The following NCKAP5 variants were observed in gnomAD, a reference collection of about 807,000 sequenced individuals.
NCKAP5 encodes NCK associated protein 5.
In NCKAP5, 92 loss-of-function variants were observed where a neutral mutation model predicts 167.0. The observed-to-expected ratio is 0.55, with a 90% CI of 0.47 to 0.66. NCKAP5 has a LOEUF of 0.66. Ranked by LOEUF, NCKAP5 falls within the 30% of genes least tolerant of loss-of-function variation. The pLI is 0.00. For missense variants in NCKAP5, 2,378 were observed against 2,315.0 expected (o/e 1.03, Z -0.56); for synonymous variants, 891 against 877.4 (o/e 1.02, Z -0.27).
Position 132,968,213 on chromosome 2 carries a change from G to A in NCKAP5, c.430-4344C>T, listed in dbSNP as rs115776440. Among the ~76,000 whole-genome samples, 1,371 of 152,332 alleles carry A rather than the reference G, an allele frequency of 9.0e-3. 16 individuals carry two copies. Among genetic ancestry groups the A allele is most frequent in the African/African-American group, 0.03 (1,258 of 41,570 alleles). On this transcript the variant is annotated intron_variant, in intron 7 of 19. Transcript: ENST00000409261. ...GAGGAACTGAAGTCTAGACGTAGGG[G>A]AGTGGTAGGTTCTGATTTACATTTT...
rs144856209 is a variant in NCKAP5, at chr2:132,999,249, T to C, written c.342-5010A>G. 8.7e-4 allele frequency among the ~76,000 whole-genome samples: 132 copies of C among 152,342 alleles called. 1 individual carries two copies. Among genetic ancestry groups the C allele is most frequent in the African/African-American group, 3.1e-3 (130 of 41,584 alleles). ...TAAATTCTTATTACACTGTTTCCTC[T>C]GGGAGAAGCAAAAACCTTGCTTAAG... On this transcript the variant is annotated intron_variant, in intron 6 of 19. Transcript: ENST00000409261.
chr2:133,562,251 A>C (rs1403788744), intron 1 of NCKAP5, among the ~76,000 whole-genome samples: 1 of 152,144 alleles, frequency 6.6e-6, no homozygotes, highest in Non-Finnish European at 1.5e-5. Context: ...AGAGAAACAC[A>C]TACTCAATGT....
intron 5 of NCKAP5, among the ~76,000 whole-genome samples, chr2:133,163,496 A>G (rs999390011): frequency 6.6e-6 from 1 of 152,242 alleles, no homozygotes; most frequent in Non-Finnish European, 1.5e-5. Context: ...ACATCTACTT[A>G]GTACTGACTG....
rs555690484 is a variant in NCKAP5 at position 133,324,376 on chromosome 2, A to T, written c.70-21266T>A. Among the ~76,000 whole-genome samples, 9 of 152,330 alleles carry T rather than the reference A, an allele frequency of 5.9e-5. No homozygotes were observed. The South Asian group carries it at 1.9e-3, about 32-fold the overall frequency. Reference sequence around the variant, plus strand: ...TAAAAATATTTACTTGGAATTACATAAAAAATATTTTAAATGATTTTTGTT... The same window carrying T: ...TAAAAATATTTACTTGGAATTACATTAAAAATATTTTAAATGATTTTTGTT... On this transcript the variant is annotated intron_variant, in intron 3 of 19. Transcript: ENST00000409261.
chr2:133,211,830 C>G (rs552471627), intron 5 of NCKAP5, among the ~76,000 whole-genome samples: 173 of 152,054 alleles, frequency 1.1e-3, no homozygotes, highest in Non-Finnish European at 1.9e-3. Flanking sequence ...TGGGCTTGTC[C>G]TTGTGCCTGT....
intron 8 of NCKAP5, among the ~76,000 whole-genome samples, chr2:132,927,230 C>T (rs1163945233): frequency 6.6e-6 from 1 of 152,092 alleles, no homozygotes; most frequent in Non-Finnish European, 1.5e-5. Context: ...ACCTATGTGT[C>T]TATTTTTATA....
chr2:133,633,872 C>T, the NCKAP5 span, among the ~76,000 whole-genome samples: 3,041 of 152,240 alleles, frequency 0.02, 45 homozygotes, highest in Non-Finnish European at 0.032. Context: ...CCATCTTACC[C>T]CAAATCACGT....
Position 133,034,002 on chromosome 2 carries a change from T to A in NCKAP5, c.342-39763A>T, listed in dbSNP as rs568090311. On this transcript the variant is annotated intron_variant, in intron 6 of 19. Coordinates refer to ENST00000409261, the MANE Select transcript of NCKAP5 (RefSeq NM_207363.3). The stretch of plus-strand genomic sequence containing the variant: ...CCAAACCTAAAGAAATGTATCAGTA[T>A]CCAAGTACAAGAAGGTTATAGAATA... 2.0e-5 allele frequency among the ~76,000 whole-genome samples: 3 copies of A among 152,080 alleles called. No individual in the cohort carries two copies. The South Asian group carries it at 6.2e-4, about 32-fold the overall frequency.
chr2:132,915,111 C>T (rs1036034020), intron 8 of NCKAP5, among the ~76,000 whole-genome samples: 1 of 151,964 alleles, frequency 6.6e-6, no homozygotes, highest in African/African-American at 2.4e-5. Context: ...AGGGTGCTCG[C>T]TGTTGCACCA....
Position 132,782,192 on chromosome 2 carries a change from A to G in NCKAP5, c.4619T>C (p.Leu1540Ser). Residue 1540 changes from leucine to serine, a missense_variant, in exon 14 of 20, where the codon TTG (leucine) becomes TCG (serine). Around this residue, in one of 3 missense-constraint regions of NCKAP5, gnomAD observed 1,325 missense variants for 1,274.5 expected, o/e 1.04. Coordinates refer to ENST00000409261, the MANE Select transcript of NCKAP5 (RefSeq NM_207363.3). ...TKVEKKDAKV[L>S]GFGNRQLKSE... is the part of the protein sequence containing the mutation. The stretch of plus-strand genomic sequence containing the variant: ...TTTTAGTTGTCTGTTTCCAAACCCC[A>G]AGACTTTTGCATCTTTCTTTTCTAC... The G allele has an allele frequency of 6.2e-7, 1 of 1,613,356 alleles. No individual in the cohort carries two copies. The highest frequency in any genetic ancestry group is 8.5e-7 in the Non-Finnish European group (1 of 1,179,770).
intron 6 of NCKAP5, among the ~76,000 whole-genome samples, chr2:133,088,581 T>C (rs2081071466): frequency 6.6e-6 from 1 of 152,124 alleles, no homozygotes; most frequent in South Asian, 2.1e-4. Flanking sequence ...ATATAATTTA[T>C]GGTAGTGTTT....
intron 3 of NCKAP5, among the ~76,000 whole-genome samples, chr2:133,448,075 A>G (rs897583340): frequency 2.0e-5 from 3 of 152,340 alleles, no homozygotes; most frequent in Non-Finnish European, 2.9e-5. Context: ...ACAAAGCAGA[A>G]GTGGGCTGAT....
intron 6 of NCKAP5, among the ~76,000 whole-genome samples, chr2:133,115,594 T>A (rs2082045532): frequency 6.6e-6 from 1 of 151,798 alleles, no homozygotes; most frequent in Non-Finnish European, 1.5e-5. Context: ...AAGAGAAATT[T>A]AGCTTCTATT....
intron 6 of NCKAP5, among the ~76,000 whole-genome samples, chr2:133,018,712 C>T (rs1021017401): frequency 6.6e-6 from 1 of 152,148 alleles, no homozygotes. Context: ...AGCAGGAGAC[C>T]TTGAAATACA....
At chr2:133,485,532 C>T (rs1680833335) in intron 3 of NCKAP5, among the ~76,000 whole-genome samples, 1 of 152,112 alleles carries the variant, frequency 6.6e-6, no homozygotes, top group African/African-American at 2.4e-5. Flanking sequence ...AGATATGGCC[C>T]TAGTGTCAGT....
In NCKAP5 at chr2:133,464,794, T is replaced by G. The variant is rs147361068; in HGVS notation, c.69+52664A>C. On this transcript the variant is annotated intron_variant, in intron 3 of 19. Transcript: ENST00000409261. ...GGAGTAGAAAACTTGGATGCCACCTTGTCATTGCCTTCAGCTTTGTCTGGA... is the reference window on the plus strand; with the variant it reads ...GGAGTAGAAAACTTGGATGCCACCTGGTCATTGCCTTCAGCTTTGTCTGGA... 2.9e-3 allele frequency among the ~76,000 whole-genome samples: 436 copies of G among 152,182 alleles called. 5 individuals carry two copies. The highest frequency in any genetic ancestry group is 9.6e-3 in the African/African-American group (400 of 41,498).
intron 3 of NCKAP5, among the ~76,000 whole-genome samples, chr2:133,440,795 C>G (rs2320848): frequency 0.43 from 64,964 of 149,578 alleles, 15,160 homozygotes; most frequent in African/African-American, 0.62. Context: ...TGGGGATCCT[C>G]CATCAGACTG....
the NCKAP5 span, among the ~76,000 whole-genome samples, chr2:133,643,511 C>A: frequency 6.6e-6 from 1 of 152,262 alleles, no homozygotes; most frequent in Non-Finnish European, 1.5e-5. Context: ...TGTTTGACAT[C>A]CAGGCTATAT....
intron 3 of NCKAP5, among the ~76,000 whole-genome samples, 193 bp from the exon 4 acceptor site, chr2:133,303,303 A>C (rs762829340): frequency 6.6e-6 from 1 of 152,224 alleles, no homozygotes; most frequent in Non-Finnish European, 1.5e-5. Context: ...ATAGTTTTGT[A>C]AACAAATCAC....
Sources: gnomAD v4.1 joint callset for allele counts (sites outside exome capture counted in the v4.1 genomes callset) on GRCh38, gnomAD v4.1.1 for gene constraint, gnomAD v4.1.1 regional missense constraint, MANE v1.5 for transcripts, NCBI Gene and HGNC (gene_info 2026-07-23, HGNC 2026-07-21) for gene names.